Variants in INPP4B observed in about 807,000 individuals in gnomAD.
The protein encoded by INPP4B is inositol polyphosphate 4-phosphatase type II.
In INPP4B, 55 loss-of-function variants were observed where a neutral mutation model predicts 122.5. The ratio of observed to expected loss-of-function variants is 0.45; its 90% CI spans 0.36 to 0.56. INPP4B has a LOEUF of 0.56. Among genes scored for constraint, INPP4B ranks in the 20% least tolerant of loss-of-function variants. The probability of loss-of-function intolerance (pLI) is 0.00; values close to 1 mark genes in which losing one functional copy is unlikely to be tolerated. For synonymous variants in INPP4B, 403 were observed against 388.7 expected, an observed-to-expected ratio of 1.04 and a Z score of -0.43; for missense variants, 1,000 against 1,097.7, an observed-to-expected ratio of 0.91 and a Z score of 1.26.
intron 2 of INPP4B, among the ~76,000 whole-genome samples, chr4:142,586,294 A>C (rs1453968876): frequency 1.4e-5 from 2 of 145,382 alleles, no homozygotes; most frequent in Non-Finnish European, 3.0e-5. Context: ...AGCCTGGTCG[A>C]CAGAGCTAGA....
intron 25 of INPP4B, among the ~76,000 whole-genome samples, chr4:142,064,802 CA>C (rs1762689837): frequency 6.6e-6 from 1 of 151,878 alleles, no homozygotes; most frequent in Non-Finnish European, 1.5e-5. Flanking sequence ...CAAAACTGAA[CA>C]AAAGATGACA....
At chr4:142,059,462 A>T (rs368239965) in intron 25 of INPP4B, among the ~76,000 whole-genome samples, 2 of 152,072 alleles carry the variant, frequency 1.3e-5, no homozygotes, top group African/African-American at 2.4e-5. Flanking sequence ...TCTGTATGTG[A>T]TTCTCTCTCA....
At chr4:142,030,120 C>T in intron 25 of INPP4B, 1 of 1,526,228 alleles carries the variant, frequency 6.6e-7, no homozygotes, top group Non-Finnish European at 8.8e-7. Context: ...AGGAATACAA[C>T]ATAAAACTTA....
intron 18 of INPP4B, among the ~76,000 whole-genome samples, chr4:142,140,347 A>G (rs933898553): frequency 6.6e-6 from 1 of 152,222 alleles, no homozygotes. Context: ...ATTTCATGAC[A>G]TACTTGTGAA....
At chr4:142,601,012 T>C (rs1739772502) in intron 2 of INPP4B, among the ~76,000 whole-genome samples, 2 of 152,016 alleles carry the variant, frequency 1.3e-5, no homozygotes, top group African/African-American at 4.8e-5. Context: ...TAAATATATA[T>C]ATAGGCACTG....
chr4:142,654,377 A>C (rs1425112160), intron 2 of INPP4B: 1 of 151,104 alleles, frequency 6.6e-6, no homozygotes, highest in African/African-American at 2.4e-5. Flanking sequence ...TAAAAAAAAA[A>C]AAAAAAAAAA....
At chr4:142,785,626 A>C (rs1775658208) in intron 1 of INPP4B, among the ~76,000 whole-genome samples, 1 of 152,078 alleles carries the variant, frequency 6.6e-6, no homozygotes. Context: ...AACTTCCAAA[A>C]CCAAAATGTC....
chr4:142,239,575 T>G (rs1858280324), intron 11 of INPP4B, among the ~76,000 whole-genome samples: 1 of 152,140 alleles, frequency 6.6e-6, no homozygotes. Flanking sequence ...AATAAAAAGT[T>G]TTAGTCATTT....
intron 2 of INPP4B, among the ~76,000 whole-genome samples, chr4:142,592,813 G>A (rs1005190130): frequency 1.1e-4 from 17 of 152,182 alleles, no homozygotes; most frequent in African/African-American, 2.9e-4. Context: ...ATCAAAGACC[G>A]TCATAGGCTG....
chr4:142,718,162 G>A lies in INPP4B; in HGVS notation c.-191+7677C>T, dbSNP rs569120762. On this transcript the variant is annotated intron_variant, in intron 2 of 25. Transcript: ENST00000262992. ...TTTAGAATGCAGCAGCAGAAAAGCA[G>A]TCTTTGAATGTCAGATTGAGGTGTT... Among the ~76,000 whole-genome samples, 7 of 152,266 alleles carry A rather than the reference G, an allele frequency of 4.6e-5. No homozygotes were observed. In the East Asian group the frequency reaches 7.7e-4, roughly 17 times the overall value.
intron 12 of INPP4B, among the ~76,000 whole-genome samples, chr4:142,217,626 T>C (rs1180710920): frequency 6.6e-6 from 1 of 152,244 alleles, no homozygotes; most frequent in Non-Finnish European, 1.5e-5. Context: ...TGGCATTTCC[T>C]ATTGTGATGG....
At chr4:142,254,989 G>T (rs961753310) in intron 11 of INPP4B, among the ~76,000 whole-genome samples, 1 of 152,196 alleles carries the variant, frequency 6.6e-6, no homozygotes, top group East Asian at 1.9e-4. Context: ...AAGCCCATCA[G>T]ACTAACAGCG....
intron 21 of INPP4B, among the ~76,000 whole-genome samples, chr4:142,118,513 T>C (rs1454667047): frequency 6.6e-6 from 1 of 152,142 alleles, no homozygotes; most frequent in East Asian, 1.9e-4. Flanking sequence ...ACCTGATCTT[T>C]GAAAAACTTG....
At chr4:142,053,587 G>GTCATGGCT (rs1553958758) in intron 25 of INPP4B, among the ~76,000 whole-genome samples, 2 of 151,546 alleles carry the variant, frequency 1.3e-5, no homozygotes, top group Admixed American at 1.3e-4. Context: ...TGTACCTGTA[G>GTCATGGCT]TCATGGCCCA....
chr4:142,710,123 C>A (rs759787313), intron 2 of INPP4B, among the ~76,000 whole-genome samples: 5 of 152,172 alleles, frequency 3.3e-5, no homozygotes, highest in Non-Finnish European at 5.9e-5. Flanking sequence ...CATGGATCTC[C>A]ATCTCAGAGG....
chr4:142,403,111 G>A, intron 6 of INPP4B, 57 bp from the exon 7 acceptor site: 1 of 893,810 alleles, frequency 1.1e-6, no homozygotes, highest in Non-Finnish European at 1.9e-6. Flanking sequence ...GTAGTTGGCA[G>A]CACGCAAGTG....
chr4:142,029,951 T>C, intron 25 of INPP4B: 2 of 1,316,154 alleles, frequency 1.5e-6, no homozygotes, highest in Non-Finnish European at 1.9e-6. Context: ...AAGAGCAAAA[T>C]AATCCACCTA....
At chr4:142,793,436 G>A (rs971308398) in intron 1 of INPP4B, among the ~76,000 whole-genome samples, 3 of 151,998 alleles carry the variant, frequency 2.0e-5, no homozygotes, top group Admixed American at 6.6e-5. Flanking sequence ...CCAAAGCAAC[G>A]ATCAGTGGAA....
chr4:142,398,401 A>AAATATATATAT (rs1800278058), intron 7 of INPP4B, among the ~76,000 whole-genome samples: 1 of 28,512 alleles, frequency 3.5e-5, no homozygotes, highest in Non-Finnish European at 6.4e-5. Flanking sequence ...AAAAAAAAAA[A>AAATATATATAT]ATATATATAT....
Sources: gnomAD v4.1 joint callset for allele counts (sites outside exome capture counted in the v4.1 genomes callset) on GRCh38, gnomAD v4.1.1 for gene constraint, MANE v1.5 for transcripts, NCBI Gene and HGNC (gene_info 2026-07-23, HGNC 2026-07-21) for gene names.